SPATA17: variants seen among roughly 807,000 people sequenced by gnomAD.
The protein encoded by SPATA17 is spermatogenesis-associated protein 17.
A neutral mutation model predicts 62.2 loss-of-function variants in SPATA17; 53 were observed. The observed-to-expected ratio is 0.85, with a 90% CI of 0.68 to 1.07. The LOEUF is 1.07. Among genes scored for constraint, SPATA17 ranks in the 50% least tolerant of loss-of-function variants. SPATA17 has a pLI of 0.00. For missense variants in SPATA17, 466 were observed against 425.5 expected, an observed-to-expected ratio of 1.10 and a Z score of -0.84; for synonymous variants, 146 against 146.8, an observed-to-expected ratio of 0.99 and a Z score of 0.04.
At chr1:217,633,852 AC>A (rs1298265218) in intron 1 of SPATA17, among the ~76,000 whole-genome samples, 1 of 152,236 alleles carries the variant, frequency 6.6e-6, no homozygotes, top group Admixed American at 6.5e-5. Context: ...TTGAGAAAAT[AC>A]ATTCCTAAGT....
intron 9 of SPATA17, among the ~76,000 whole-genome samples, chr1:217,844,413 A>G (rs1050665155): frequency 2.6e-5 from 4 of 152,046 alleles, no homozygotes; most frequent in Non-Finnish European, 5.9e-5. Flanking sequence ...ATTTTGGCAC[A>G]TGCACCAAGG....
At chr1:217,746,915 TAATC>T (rs1206129294) in intron 6 of SPATA17, among the ~76,000 whole-genome samples, 3 of 152,036 alleles carry the variant, frequency 2.0e-5, no homozygotes, top group Non-Finnish European at 4.4e-5. Context: ...TTTGCATAAA[TAATC>T]AATCACCATT....
At chr1:217,812,622 A>G (rs1459239694) in intron 9 of SPATA17, among the ~76,000 whole-genome samples, 1 of 152,192 alleles carries the variant, frequency 6.6e-6, no homozygotes, top group Non-Finnish European at 1.5e-5. Flanking sequence ...TCTTTATTGT[A>G]CTGATCTCCA....
chr1:217,730,618 T>C (rs1308986904), intron 5 of SPATA17, among the ~76,000 whole-genome samples: 5 of 152,160 alleles, frequency 3.3e-5, no homozygotes. Flanking sequence ...AAAAAATTCC[T>C]GGGGAATGTA....
chr1:217,837,526 T>C (rs757060960), intron 9 of SPATA17, among the ~76,000 whole-genome samples: 3 of 152,104 alleles, frequency 2.0e-5, no homozygotes, highest in Non-Finnish European at 2.9e-5. Flanking sequence ...AACCATACTG[T>C]TGCATGTTGG....
intron 7 of SPATA17, among the ~76,000 whole-genome samples, chr1:217,780,082 G>T (rs866204261): frequency 2.0e-5 from 3 of 151,908 alleles, no homozygotes; most frequent in Non-Finnish European, 4.4e-5. Flanking sequence ...TCTAAAGTTT[G>T]ATAGGTGAAA....
At position 217,677,572 on chromosome 1, in the gene SPATA17, C is replaced by CA. The variant is rs561232608; in HGVS notation, c.292-5680dup. On this transcript the variant is annotated intron_variant, in intron 4 of 10. Coordinates refer to ENST00000366933, the MANE Select transcript of SPATA17 (RefSeq NM_138796.4). ...AGAATGAATAACAGTTTTATTCATA[C>CA]AAAAAAGGGTATCCCAAAATATCAG... is the stretch of plus-strand genomic sequence containing the variant. Among the ~76,000 whole-genome samples the CA allele has an allele frequency of 1.9e-3, 290 of 151,884 alleles. 1 individual carries two copies. The highest frequency in any genetic ancestry group is 6.8e-3 in the African/African-American group (283 of 41,446).
At chr1:217,662,525 A>C (rs976652386) in intron 3 of SPATA17, among the ~76,000 whole-genome samples, 1 of 152,188 alleles carries the variant, frequency 6.6e-6, no homozygotes, top group African/African-American at 2.4e-5. Context: ...CAAGGTTCCC[A>C]GTATTCATAC....
intron 9 of SPATA17, 124 bp downstream of exon 9, chr1:217,801,974 C>T: frequency 9.8e-7 from 1 of 1,017,642 alleles, no homozygotes; most frequent in Middle Eastern, 3.4e-4. Flanking sequence ...TTTTTTATAG[C>T]TGTTTTAGGT....
intron 8 of SPATA17, among the ~76,000 whole-genome samples, chr1:217,797,711 A>G (rs775958389): frequency 6.6e-6 from 1 of 152,148 alleles, no homozygotes; most frequent in Non-Finnish European, 1.5e-5. Context: ...ACATTCTTGC[A>G]TCAATTCTTT....
rs146913848 is a variant in SPATA17 at position 217,871,585 on chromosome 1, G to A, written c.*4566G>A. The A allele has an allele frequency of 9.7e-4, 148 of 152,224 alleles. No homozygotes were observed. The highest frequency in any genetic ancestry group is 3.2e-3 in the African/African-American group (135 of 41,552). The allele number at this position is 152,224 out of a possible 1,614,324, so 9.4% of individuals were successfully genotyped here. On this transcript the variant is annotated 3_prime_UTR_variant, in exon 11 of 11. Coordinates refer to ENST00000366933, the MANE Select transcript of SPATA17 (RefSeq NM_138796.4). ...GTTACAGATTTTAATAAACCACTGT[G>A]CAAAGCATTAGGATAAATTTTTATT...
chr1:217,733,418 G>A (rs949255046), intron 5 of SPATA17, among the ~76,000 whole-genome samples: 5 of 152,072 alleles, frequency 3.3e-5, no homozygotes, highest in East Asian at 3.9e-4. Flanking sequence ...AAACTTGCTC[G>A]TTGTTCAGTT....
rs1672199306 is a variant in SPATA17 at position 217,723,960 on chromosome 1, G to A, written c.396-18015G>A. Among the ~76,000 whole-genome samples the A allele has an allele frequency of 2.0e-5, 3 of 152,158 alleles. 1 individual carries two copies. The South Asian group carries it at 6.2e-4, about 32-fold the overall frequency. The stretch of plus-strand genomic sequence containing the variant: ...CCACCCCTGTCCTCTGAAGGGACAT[G>A]GGCGGAGCTAACCTCCAATCAAATT... On this transcript the variant is annotated intron_variant, in intron 5 of 10. Coordinates refer to ENST00000366933, the MANE Select transcript of SPATA17 (RefSeq NM_138796.4).
intron 1 of SPATA17, among the ~76,000 whole-genome samples, chr1:217,638,874 A>G (rs555322322): frequency 6.6e-6 from 1 of 152,142 alleles, no homozygotes; most frequent in Non-Finnish European, 1.5e-5. Flanking sequence ...CTACTGAAAT[A>G]TAAATATGTT....
intron 7 of SPATA17, among the ~76,000 whole-genome samples, chr1:217,775,684 G>A (rs1301511384): frequency 2.0e-5 from 3 of 151,690 alleles, no homozygotes; most frequent in Non-Finnish European, 2.9e-5. Context: ...CCTGGCGACC[G>A]ATCTATATAT....
At chr1:217,732,430 T>A (rs1438448279) in intron 5 of SPATA17, among the ~76,000 whole-genome samples, 1 of 152,184 alleles carries the variant, frequency 6.6e-6, no homozygotes, top group Non-Finnish European at 1.5e-5. Context: ...ACATTTTAAA[T>A]GAGAGACAAT....
At chr1:217,633,582 T>C (rs1221947594) in intron 1 of SPATA17, among the ~76,000 whole-genome samples, 1 of 152,186 alleles carries the variant, frequency 6.6e-6, no homozygotes, top group Admixed American at 6.5e-5. Flanking sequence ...AAACCTCCGC[T>C]GTTCACTGTC....
intron 5 of SPATA17, among the ~76,000 whole-genome samples, chr1:217,726,663 G>A (rs1362718953): frequency 1.3e-5 from 2 of 151,152 alleles, no homozygotes; most frequent in Non-Finnish European, 2.9e-5. Context: ...GATGGGGGTT[G>A]TGACTGTTCC....
At chr1:217,706,727 G>A (rs1671745466) in intron 5 of SPATA17, among the ~76,000 whole-genome samples, 1 of 152,150 alleles carries the variant, frequency 6.6e-6, no homozygotes. Context: ...CTATCCGTGA[G>A]CATGGAATGT....
Sources: allele counts gnomAD v4.1 joint callset (sites outside exome capture counted in the v4.1 genomes callset), GRCh38; gene constraint gnomAD v4.1.1; transcripts MANE v1.5; gene names NCBI Gene and HGNC (gene_info 2026-07-23, HGNC 2026-07-21).